Variants in TNFSF13B observed in about 807,000 individuals in gnomAD.
The protein encoded by TNFSF13B is TNF superfamily member 13b, also known as tumor necrosis factor ligand superfamily member 13B.
In TNFSF13B, 8 loss-of-function variants were observed where a neutral mutation model predicts 29.1. The observed-to-expected ratio is 0.27, with a 90% confidence interval of 0.16 to 0.50. The LOEUF is 0.50. Among genes scored for constraint, TNFSF13B ranks in the 20% least tolerant of loss-of-function variants. The pLI is 0.98. For synonymous variants in TNFSF13B, 125 were observed against 130.8 expected (o/e 0.96, Z 0.30); for missense variants, 248 against 334.9 (o/e 0.74, Z 2.03).
At chr13:108,301,323 A>C (rs1881616587) in intron 3 of TNFSF13B, 1 of 152,206 alleles carries the variant, frequency 6.6e-6, no homozygotes, top group Admixed American at 6.5e-5. Flanking sequence ...GAGTGGTGTG[A>C]CCATAGAAGA....
chr13:108,303,741 G>T, intron 5 of TNFSF13B, 137 bp downstream of exon 5: 1 of 898,274 alleles, frequency 1.1e-6, no homozygotes, highest in Non-Finnish European at 1.7e-6. Context: ...AATATATTGT[G>T]TTTTTTAAAT....
At chr13:108,299,287 C>G (rs909943540) in intron 3 of TNFSF13B, among the ~76,000 whole-genome samples, 1 of 144,978 alleles carries the variant, frequency 6.9e-6, no homozygotes, top group African/African-American at 2.6e-5. Flanking sequence ...TGACTTTATT[C>G]TTTTGGTCCG....
intron 3 of TNFSF13B, among the ~76,000 whole-genome samples, 183 bp downstream of exon 3, chr13:108,287,042 T>G (rs1004181640): frequency 1.4e-5 from 2 of 147,394 alleles, no homozygotes; most frequent in African/African-American, 5.0e-5. Flanking sequence ...CTATCGCATG[T>G]TCTCACTCAT....
intron 3 of TNFSF13B, among the ~76,000 whole-genome samples, chr13:108,287,247 G>A (rs1881170213): frequency 6.6e-6 from 1 of 152,132 alleles, no homozygotes; most frequent in African/African-American, 2.4e-5. Flanking sequence ...TTGTGCACAT[G>A]TACCCTAAAA....
chr13:108,297,599 A>G (rs1035582522), intron 3 of TNFSF13B, among the ~76,000 whole-genome samples: 2 of 145,492 alleles, frequency 1.4e-5, no homozygotes, highest in Non-Finnish European at 3.1e-5. Flanking sequence ...TGCTTAATGT[A>G]TCCTGGGGGT....
rs1211728211 is a variant in TNFSF13B at position 108,300,453 on chromosome 13, CTA to C, written c.482-2798_482-2797del. On this transcript the variant is annotated intron_variant, in intron 3 of 5. Coordinates refer to ENST00000375887, the MANE Select transcript of TNFSF13B (RefSeq NM_006573.5). ...CAAGCATCAAATGAATATCATTAAA[CTA>C]TGAAAGCAACTGCCTTGGTGAAGTC... is the stretch of plus-strand genomic sequence containing the variant. 2.6e-5 allele frequency among the ~76,000 whole-genome samples: 4 copies of C among 152,182 alleles called. No individual in the cohort carries two copies. In the East Asian group the frequency reaches 5.8e-4, roughly 22 times the overall value.
intron 2 of TNFSF13B, among the ~76,000 whole-genome samples, chr13:108,278,776 A>G (rs1218031934): frequency 1.8e-5 from 2 of 113,946 alleles, no homozygotes; most frequent in Non-Finnish European, 3.7e-5. Context: ...AGAAAAGGGA[A>G]TAACTGCGCT....
intron 3 of TNFSF13B, among the ~76,000 whole-genome samples, chr13:108,295,958 C>T (rs990764415): frequency 6.8e-6 from 1 of 146,068 alleles, no homozygotes; most frequent in Admixed American, 6.7e-5. Context: ...TTTTAAAATA[C>T]AAGATATTTG....
intron 2 of TNFSF13B, among the ~76,000 whole-genome samples, chr13:108,278,683 TTCC>T (rs1408416139): frequency 1.0e-4 from 1 of 9,666 alleles, no homozygotes; most frequent in Non-Finnish European, 2.2e-4. Context: ...CTCTCCTCCT[TTCC>T]TCCTCCTCTT....
intron 2 of TNFSF13B, among the ~76,000 whole-genome samples, chr13:108,276,718 C>G (rs16972207): frequency 0.17 from 25,176 of 151,952 alleles, 2,290 homozygotes; most frequent in Middle Eastern, 0.21. Context: ...GTTCATTAAG[C>G]CTTTTTATCT....
rs41305244 is a variant in TNFSF13B, at chr13:108,307,709, G to C, written c.*771G>C. 6.6e-6 allele frequency: 1 copy of C among 151,810 alleles called. No homozygotes were observed. The highest frequency in any genetic ancestry group is 6.6e-5 in the Admixed American group (1 of 15,228). 9.4% of individuals were successfully genotyped at this position (151,810 alleles called of 1,614,324 possible). A position where few individuals can be genotyped will look rare whatever the true frequency, so the allele number is the denominator to read the frequency against. On this transcript the variant is annotated 3_prime_UTR_variant, in exon 6 of 6. Coordinates refer to ENST00000375887, the MANE Select transcript of TNFSF13B (RefSeq NM_006573.5). ...GGTAATTTCAATTTATGCCTATAAA[G>C]CATTGATTGAAAAATAACTAGAATT...
At chr13:108,270,457 A>G in intron 2 of TNFSF13B, 33 bp downstream of exon 2, 2 of 1,591,978 alleles carry the variant, frequency 1.3e-6, no homozygotes, top group Non-Finnish European at 1.7e-6. Flanking sequence ...TTTAGGAGTC[A>G]GGGATTAGAG....
At chr13:108,282,102 G>A (rs1362673529) in intron 2 of TNFSF13B, among the ~76,000 whole-genome samples, 1 of 152,068 alleles carries the variant, frequency 6.6e-6, no homozygotes, top group African/African-American at 2.4e-5. Context: ...TAAATAAGAT[G>A]ACAGGAAAAA....
Position 108,306,888 on chromosome 13 carries a change from A to G in TNFSF13B, c.808A>G (p.Ile270Val). Residue 270 changes from isoleucine (I) to valine (V), a missense_variant, in exon 6 of 6, where the codon ATA becomes GTA. By Grantham distance (29) the Ile-to-Val change is conservative (BLOSUM62 3). This residue lies in a region of TNFSF13B where 62 missense variants were observed against 138.6 expected (regional missense o/e 0.45). Coordinates refer to ENST00000375887, the MANE Select transcript of TNFSF13B (RefSeq NM_006573.5). Reference sequence around the variant, plus strand: ...TGCAATACCAAGAGAAAATGCACAAATATCACTGGATGGAGATGTCACATT... The same window carrying G: ...TGCAATACCAAGAGAAAATGCACAAGTATCACTGGATGGAGATGTCACATT... The part of the protein sequence containing the change: ...QLAIPRENAQ[I>V]SLDGDVTFFG... 1.9e-6 allele frequency: 3 copies of G among 1,611,668 alleles called. No individual in the cohort carries two copies. In the South Asian group the frequency reaches 3.3e-5, roughly 18 times the overall value.
rs1029499186 is a variant in TNFSF13B at position 108,297,643 on chromosome 13, T to C, written c.482-5610T>C. 1.8e-4 allele frequency among the ~76,000 whole-genome samples: 26 copies of C among 146,232 alleles called. 4 individuals carry two copies. The highest frequency in any genetic ancestry group is 6.6e-4 in the African/African-American group (26 of 39,120). ...ATCTGTTCACTTTTCTTTTTTCTTTTTTATTTTAACTTTATTTTTAGAGCC... is the reference window on the plus strand; with the variant it reads ...ATCTGTTCACTTTTCTTTTTTCTTTCTTATTTTAACTTTATTTTTAGAGCC... On this transcript the variant is annotated intron_variant, in intron 3 of 5. Coordinates refer to ENST00000375887, the MANE Select transcript of TNFSF13B (RefSeq NM_006573.5).
intron 2 of TNFSF13B, among the ~76,000 whole-genome samples, chr13:108,273,654 G>A (rs960888895): frequency 6.6e-6 from 1 of 152,166 alleles, no homozygotes; most frequent in Non-Finnish European, 1.5e-5. Context: ...AATCATCTCT[G>A]CATGAGCCAG....
intron 3 of TNFSF13B, among the ~76,000 whole-genome samples, chr13:108,293,527 A>G (rs1881383996): frequency 6.6e-6 from 1 of 152,184 alleles, no homozygotes; most frequent in South Asian, 2.1e-4. Context: ...TATTACTGCC[A>G]TCTTAAACTA....
intron 3 of TNFSF13B, among the ~76,000 whole-genome samples, chr13:108,298,093 T>C (rs920967423): frequency 6.9e-6 from 1 of 145,258 alleles, no homozygotes; most frequent in Non-Finnish European, 1.5e-5. Context: ...TTTTCACTTC[T>C]TTTTTTTAGT....
At chr13:108,289,482 A>G (rs1353223560) in intron 3 of TNFSF13B, among the ~76,000 whole-genome samples, 1 of 151,454 alleles carries the variant, frequency 6.6e-6, no homozygotes. Context: ...AAAGCATTTT[A>G]CTTGCACAGG....
Sources: gnomAD v4.1 joint callset for allele counts (sites outside exome capture counted in the v4.1 genomes callset) on GRCh38, gnomAD v4.1.1 for gene constraint, gnomAD v4.1.1 regional missense constraint, MANE v1.5 for transcripts, NCBI Gene and HGNC (gene_info 2026-07-23, HGNC 2026-07-21) for gene names.